MARCHF1: variants seen among roughly 807,000 people sequenced by gnomAD.
MARCHF1 encodes membrane associated ring-CH-type finger 1, also known as E3 ubiquitin-protein ligase MARCHF1.
In MARCHF1, 40 loss-of-function variants were observed where a neutral mutation model predicts 54.2. The ratio of observed to expected loss-of-function variants is 0.74; its 90% CI spans 0.57 to 0.96. MARCHF1 has a LOEUF of 0.96. MARCHF1 is among the 40% of genes least tolerant of loss of function. The pLI is 0.00. For synonymous variants in MARCHF1, 236 were observed against 236.3 expected (o/e 1.00, Z 0.01); for missense variants, 586 against 656.5 (o/e 0.89, Z 1.17).
chr4:163,835,498 G>A (rs969249896), intron 4 of MARCHF1, among the ~76,000 whole-genome samples: 3 of 152,160 alleles, frequency 2.0e-5, no homozygotes, highest in African/African-American at 7.2e-5. Flanking sequence ...CCAATAAAAT[G>A]TAGCCAATAT....
intron 8 of MARCHF1, among the ~76,000 whole-genome samples, chr4:163,581,213 T>C (rs188922885): frequency 2.0e-5 from 3 of 152,338 alleles, no homozygotes; most frequent in East Asian, 1.9e-4. Flanking sequence ...TTGTGTGATA[T>C]TGAATGATTT....
intron 4 of MARCHF1, among the ~76,000 whole-genome samples, chr4:163,737,060 C>G (rs1454492607): frequency 6.6e-6 from 1 of 151,804 alleles, no homozygotes; most frequent in South Asian, 2.1e-4. Context: ...GTTTGCCAGG[C>G]CTCAAAGTAG....
intron 4 of MARCHF1, among the ~76,000 whole-genome samples, chr4:163,833,087 G>A (rs13125126): frequency 0.75 from 113,093 of 151,626 alleles, 43,504 homozygotes; most frequent in Non-Finnish European, 0.87. Flanking sequence ...ATGATTTATA[G>A]TCCTTTGGGT....
intron 1 of MARCHF1, among the ~76,000 whole-genome samples, chr4:164,179,374 T>C (rs1196017128): frequency 6.6e-6 from 1 of 151,622 alleles, no homozygotes; most frequent in Admixed American, 6.6e-5. Flanking sequence ...TAATTTCTTA[T>C]AGCCATATTC....
intron 1 of MARCHF1, among the ~76,000 whole-genome samples, chr4:164,270,830 T>A (rs1019695754): frequency 6.6e-6 from 1 of 152,132 alleles, no homozygotes; most frequent in African/African-American, 2.4e-5. Flanking sequence ...GAAATTCCTA[T>A]CAAAATCTTA....
chr4:164,119,057 T>A (rs1227081279), intron 1 of MARCHF1, among the ~76,000 whole-genome samples: 1 of 151,296 alleles, frequency 6.6e-6, no homozygotes, highest in Non-Finnish European at 1.5e-5. Flanking sequence ...GGTTTTTGCA[T>A]ACCAAAAATG....
At chr4:164,279,634 C>T (rs947463763) in intron 1 of MARCHF1, among the ~76,000 whole-genome samples, 3 of 151,572 alleles carry the variant, frequency 2.0e-5, no homozygotes, top group African/African-American at 4.8e-5. Context: ...CAAAATATCA[C>T]TCTGTATCCC....
chr4:163,575,333 C>T (rs1299506921), intron 8 of MARCHF1, among the ~76,000 whole-genome samples: 1 of 151,930 alleles, frequency 6.6e-6, no homozygotes. Context: ...TTGTTTTTAA[C>T]TTTGTCTATG....
At chr4:164,278,005 C>A (rs1387036054) in intron 1 of MARCHF1, among the ~76,000 whole-genome samples, 2 of 152,038 alleles carry the variant, frequency 1.3e-5, no homozygotes, top group East Asian at 3.9e-4. Context: ...AACTAATAAC[C>A]AATAGATTTT....
chr4:164,328,653 C>T (rs1213289798), intron 1 of MARCHF1, among the ~76,000 whole-genome samples: 3 of 152,018 alleles, frequency 2.0e-5, no homozygotes, highest in Non-Finnish European at 4.4e-5. Context: ...CCTCAGCCTC[C>T]CCAGCAGCTG....
chr4:164,040,874 C>A (rs1754113694), intron 2 of MARCHF1, among the ~76,000 whole-genome samples: 2 of 152,084 alleles, frequency 1.3e-5, no homozygotes, highest in South Asian at 4.1e-4. Context: ...ATAGAATATA[C>A]CATGACATTC....
chr4:164,021,928 C>T (rs1041098776), intron 2 of MARCHF1, among the ~76,000 whole-genome samples: 4 of 151,392 alleles, frequency 2.6e-5, no homozygotes, highest in Admixed American at 6.6e-5. Context: ...AAATACACAT[C>T]CAGGTTAATT....
At chr4:163,784,971 C>A (rs559935414) in intron 4 of MARCHF1, among the ~76,000 whole-genome samples, 3 of 152,212 alleles carry the variant, frequency 2.0e-5, no homozygotes, top group African/African-American at 7.2e-5. Context: ...GGCCTCTCAA[C>A]CTCTTTCTTG....
At chr4:164,357,163 A>G (rs1407530851) in intron 1 of MARCHF1, among the ~76,000 whole-genome samples, 1 of 152,130 alleles carries the variant, frequency 6.6e-6, no homozygotes, top group Admixed American at 6.5e-5. Context: ...AAACAACACA[A>G]ATGCATTATC....
intron 4 of MARCHF1, among the ~76,000 whole-genome samples, chr4:163,843,821 G>A (rs1445675997): frequency 6.6e-6 from 1 of 151,742 alleles, no homozygotes. Context: ...TGGCCATTCT[G>A]GAGTGGTGTG....
At chr4:163,667,428 T>A (rs1424913215) in intron 5 of MARCHF1, among the ~76,000 whole-genome samples, 1 of 152,234 alleles carries the variant, frequency 6.6e-6, no homozygotes, top group South Asian at 2.1e-4. Flanking sequence ...ATGTTGAAAA[T>A]AGTGTTCTAC....
At chr4:163,737,937 C>T (rs1209827952) in intron 4 of MARCHF1, among the ~76,000 whole-genome samples, 1 of 76,448 alleles carries the variant, frequency 1.3e-5, no homozygotes, top group East Asian at 2.0e-4. Context: ...ATAAATCATG[C>T]TGCTCTAAAG....
At chr4:164,379,857 G>A (rs1373994187) in intron 1 of MARCHF1, among the ~76,000 whole-genome samples, 2 of 152,018 alleles carry the variant, frequency 1.3e-5, no homozygotes, top group African/African-American at 2.4e-5. Context: ...TCAGGAGGCT[G>A]AGGGACGAGA....
intron 1 of MARCHF1, among the ~76,000 whole-genome samples, chr4:164,274,656 A>T (rs1412146771): frequency 2.0e-5 from 2 of 100,868 alleles, no homozygotes; most frequent in African/African-American, 8.2e-5. Flanking sequence ...GCTTCAGGGT[A>T]CACTTTTTTT....
Sources: allele counts gnomAD v4.1 joint callset (sites outside exome capture counted in the v4.1 genomes callset), GRCh38; gene constraint gnomAD v4.1.1; transcripts MANE v1.5; gene names NCBI Gene and HGNC (gene_info 2026-07-23, HGNC 2026-07-21).